The following SH3RF3 variants were observed in gnomAD, a reference collection of about 807,000 sequenced individuals.
SH3RF3 encodes the protein SH3 domain containing ring finger 3, also known as E3 ubiquitin-protein ligase SH3RF3.
A neutral mutation model predicts 66.3 loss-of-function variants in SH3RF3; 29 were observed. The observed-to-expected ratio is 0.44, with a 90% CI of 0.33 to 0.60. The LOEUF is 0.60. SH3RF3 is among the 20% of genes least tolerant of loss of function. SH3RF3 has a pLI of 0.04. For missense variants in SH3RF3, 1,194 were observed against 1,190.9 expected, an observed-to-expected ratio of 1.00 and a Z score of -0.04; for synonymous variants, 583 against 532.0, an observed-to-expected ratio of 1.10 and a Z score of -1.32.
intron 3 of SH3RF3, among the ~76,000 whole-genome samples, chr2:109,391,742 C>A (rs1204796183): frequency 1.3e-5 from 2 of 152,202 alleles, no homozygotes; most frequent in Non-Finnish European, 2.9e-5. Flanking sequence ...GGGAACAGAA[C>A]GGCCACCAAC....
chr2:109,415,575 T>C (rs1676701144), intron 4 of SH3RF3, among the ~76,000 whole-genome samples: 1 of 152,144 alleles, frequency 6.6e-6, no homozygotes, highest in Non-Finnish European at 1.5e-5. Flanking sequence ...CACTTCCTGA[T>C]GGGTTCCCTG....
At chr2:109,315,812 G>A (rs1225251463) in intron 1 of SH3RF3, among the ~76,000 whole-genome samples, 2 of 152,138 alleles carry the variant, frequency 1.3e-5, no homozygotes, top group Non-Finnish European at 2.9e-5. Context: ...GGACGTCGTC[G>A]CTTTTCCACC....
intron 4 of SH3RF3, among the ~76,000 whole-genome samples, chr2:109,399,859 G>A (rs1676256105): frequency 6.6e-6 from 1 of 152,198 alleles, no homozygotes; most frequent in African/African-American, 2.4e-5. Flanking sequence ...ACCTTCTGCA[G>A]GACTGTGGCA....
chr2:109,406,560 G>C (rs769125481), intron 4 of SH3RF3, among the ~76,000 whole-genome samples: 4 of 152,188 alleles, frequency 2.6e-5, no homozygotes, highest in Non-Finnish European at 5.9e-5. Context: ...ACACCAGGCT[G>C]AGTCTAGCCA....
At chr2:109,403,202 A>G (rs1217146653) in intron 4 of SH3RF3, among the ~76,000 whole-genome samples, 1 of 152,212 alleles carries the variant, frequency 6.6e-6, no homozygotes, top group Non-Finnish European at 1.5e-5. Flanking sequence ...GAAGCCTGGG[A>G]GCACAGCCTG....
At chr2:109,139,608 G>A (rs577597406) in intron 1 of SH3RF3, among the ~76,000 whole-genome samples, 2 of 152,308 alleles carry the variant, frequency 1.3e-5, no homozygotes, top group Admixed American at 1.3e-4. Flanking sequence ...TGTATCTGCT[G>A]TCTCGGTTTG....
chr2:109,383,848 G>A (rs1002554699), intron 3 of SH3RF3, among the ~76,000 whole-genome samples: 4 of 152,138 alleles, frequency 2.6e-5, no homozygotes, highest in East Asian at 1.9e-4. Context: ...TGATCAGTCC[G>A]TCCTTATACC....
At chr2:109,159,295 C>T (rs376323564) in intron 1 of SH3RF3, among the ~76,000 whole-genome samples, 1 of 152,292 alleles carries the variant, frequency 6.6e-6, no homozygotes, top group Non-Finnish European at 1.5e-5. Context: ...CTCTCAGGAC[C>T]GCTGCTGTAC....
At chr2:109,184,566 T>C (rs902604004) in intron 1 of SH3RF3, among the ~76,000 whole-genome samples, 2 of 152,218 alleles carry the variant, frequency 1.3e-5, no homozygotes, top group African/African-American at 4.8e-5. Flanking sequence ...TGAGCCCCTC[T>C]GATCCAGGTT....
chr2:109,399,023 TC>T, intron 4 of SH3RF3, 80 bp downstream of exon 4: 1 of 1,412,618 alleles, frequency 7.1e-7, no homozygotes, highest in South Asian at 1.4e-5. Flanking sequence ...TGTCCCCCGT[TC>T]CTCAACTAGC....
chr2:109,129,612 G>A lies in SH3RF3; in HGVS notation c.72G>A (p.Glu24=). ...AAAAAQSEGD[E]DRPGERRRRR... ...CTGCTGCGCAGAGCGAGGGCGACGAGGACAGGCCAGGCGAGCGACGGCGGC... is the reference window on the plus strand; with the variant it reads ...CTGCTGCGCAGAGCGAGGGCGACGAAGACAGGCCAGGCGAGCGACGGCGGC... The change falls in exon 1 of 10, where the codon GAG becomes GAA. Residue 24 remains glutamate, a synonymous_variant. Transcript: ENST00000309415. 2.0e-6 allele frequency: 3 copies of A among 1,485,494 alleles called. No homozygotes were observed. The highest frequency in any genetic ancestry group is 1.8e-6 in the Non-Finnish European group (2 of 1,126,410). The allele number at this position is 1,485,494 out of a possible 1,614,324, so 92.0% of individuals were successfully genotyped here. A position where few individuals can be genotyped will look rare whatever the true frequency, so the allele number is the denominator to read the frequency against.
chr2:109,351,223 C>T (rs953663101), intron 2 of SH3RF3, among the ~76,000 whole-genome samples: 5 of 152,224 alleles, frequency 3.3e-5, no homozygotes, highest in Non-Finnish European at 7.3e-5. Flanking sequence ...AGCCTCCACA[C>T]GTGCTGGGCC....
chr2:109,466,148 C>T (rs921597905), intron 8 of SH3RF3, among the ~76,000 whole-genome samples: 7 of 130,422 alleles, frequency 5.4e-5, no homozygotes, highest in African/African-American at 1.1e-4. Flanking sequence ...AGTGCTATCT[C>T]GGCTCACTGC....
intron 8 of SH3RF3, among the ~76,000 whole-genome samples, chr2:109,451,644 T>C (rs1341162473): frequency 6.6e-6 from 1 of 152,258 alleles, no homozygotes; most frequent in African/African-American, 2.4e-5. Context: ...TGTTAGACAC[T>C]TTGTAAATAT....
chr2:109,360,207 T>A (rs1218964045), intron 2 of SH3RF3, among the ~76,000 whole-genome samples: 1 of 152,220 alleles, frequency 6.6e-6, no homozygotes, highest in Admixed American at 6.5e-5. Context: ...TGCCGCTTAG[T>A]TACTCTGAAC....
chr2:109,323,979 C>T (rs1443977184), intron 1 of SH3RF3, among the ~76,000 whole-genome samples: 2 of 152,202 alleles, frequency 1.3e-5, no homozygotes, highest in Non-Finnish European at 2.9e-5. Context: ...TTCCCCTTCC[C>T]CCAGCCCCTG....
chr2:109,360,627 C>T (rs999926709), intron 2 of SH3RF3, among the ~76,000 whole-genome samples: 2 of 152,146 alleles, frequency 1.3e-5, no homozygotes, highest in Middle Eastern at 3.2e-3. Context: ...AGATACTCAG[C>T]CTGTATATAG....
intron 8 of SH3RF3, among the ~76,000 whole-genome samples, chr2:109,478,503 GA>G (rs1193633497): frequency 6.6e-6 from 1 of 152,202 alleles, no homozygotes; most frequent in East Asian, 1.9e-4. Context: ...TGCTTTCCAT[GA>G]AAATGTACTG....
chr2:109,210,666 G>A (rs950471212), intron 1 of SH3RF3, among the ~76,000 whole-genome samples: 1 of 152,176 alleles, frequency 6.6e-6, no homozygotes. Flanking sequence ...GGTCTGATGA[G>A]CTTACTCCAG....
Sources: allele counts gnomAD v4.1 joint callset (sites outside exome capture counted in the v4.1 genomes callset), GRCh38; gene constraint gnomAD v4.1.1; transcripts MANE v1.5; gene names NCBI Gene and HGNC (gene_info 2026-07-23, HGNC 2026-07-21).